MCU: variants seen among roughly 807,000 people sequenced by gnomAD.
The protein encoded by MCU is mitochondrial calcium uniporter, also known as calcium uniporter protein, mitochondrial.
In MCU, 12 loss-of-function variants were observed where a neutral mutation model predicts 45.2. That is an observed-to-expected ratio of 0.27 (90% CI 0.17 to 0.43). The LOEUF is 0.43. Ranked by LOEUF, MCU falls within the 20% of genes least tolerant of loss-of-function variation. The pLI is 1.00. For synonymous variants in MCU, 160 were observed against 165.1 expected, an observed-to-expected ratio of 0.97 and a Z score of 0.24; for missense variants, 324 against 436.7, an observed-to-expected ratio of 0.74 and a Z score of 2.30.
At chr10:72,857,243 C>A (rs1184938078) in intron 2 of MCU, among the ~76,000 whole-genome samples, 1 of 149,810 alleles carries the variant, frequency 6.7e-6, no homozygotes, top group Non-Finnish European at 1.5e-5. Flanking sequence ...GGGATTAAAC[C>A]CCCCCCTTTT....
chr10:72,846,464 C>A (rs1415190232), intron 2 of MCU, among the ~76,000 whole-genome samples: 1 of 152,168 alleles, frequency 6.6e-6, no homozygotes, highest in Non-Finnish European at 1.5e-5. Context: ...GCTTTATATG[C>A]TACTCGCGCA....
At chr10:72,884,858 A>G (rs901188211) in intron 7 of MCU, among the ~76,000 whole-genome samples, 7 of 152,180 alleles carry the variant, frequency 4.6e-5, no homozygotes, top group Admixed American at 1.3e-4. Flanking sequence ...ATGCTTGGAA[A>G]AGATTGATAT....
intron 1 of MCU, among the ~76,000 whole-genome samples, chr10:72,781,614 A>G (rs1474496283): frequency 6.6e-6 from 1 of 152,214 alleles, no homozygotes. Flanking sequence ...GCAAAACTTA[A>G]GCAGATGTTT....
chr10:72,737,202 A>G (rs572314750), intron 1 of MCU, among the ~76,000 whole-genome samples: 26 of 152,358 alleles, frequency 1.7e-4, no homozygotes, highest in African/African-American at 6.3e-4. Context: ...ATTCTTGGAT[A>G]TGGTAGTGTC....
In MCU at chr10:72,692,310, G is replaced by C; in HGVS notation, c.150+9G>C. ...AGCAGCACCACCGGACGGTGAGCGA[G>C]CGCGCCCGGAGGCTCCGGGGAGGGC... is the stretch of plus-strand genomic sequence containing the variant. On this transcript the variant is annotated intron_variant, in intron 1 of 7. Coordinates refer to ENST00000373053, the MANE Select transcript of MCU (RefSeq NM_138357.3). 1 of 1,211,918 alleles carries C rather than the reference G, an allele frequency of 8.3e-7. No individual in the cohort carries two copies. The highest frequency in any genetic ancestry group is 1.0e-6 in the Non-Finnish European group (1 of 974,424). The allele number at this position is 1,211,918 out of a possible 1,614,324, so 75.1% of individuals were successfully genotyped here. A position where few individuals can be genotyped will look rare whatever the true frequency, so the allele number is the denominator to read the frequency against.
chr10:72,717,364 A>G (rs570362747), intron 1 of MCU, among the ~76,000 whole-genome samples: 91 of 151,978 alleles, frequency 6.0e-4, no homozygotes, highest in African/African-American at 2.1e-3. Flanking sequence ...AGTTCAAGCA[A>G]TTCTCCTACC....
At chr10:72,884,158 A>G in intron 6 of MCU, 108 bp from the exon 7 acceptor site, 4 of 699,622 alleles carry the variant, frequency 5.7e-6, no homozygotes, top group South Asian at 3.4e-5. Flanking sequence ...AACACAGCAC[A>G]TGTCAGCACA....
At chr10:72,827,911 C>T (rs566198186) in intron 1 of MCU, among the ~76,000 whole-genome samples, 1 of 152,118 alleles carries the variant, frequency 6.6e-6, no homozygotes, top group Admixed American at 6.6e-5. Context: ...TTTAAAGCCA[C>T]AGACCTTATT....
intron 6 of MCU, among the ~76,000 whole-genome samples, chr10:72,874,173 T>C (rs1438843099): frequency 6.6e-6 from 1 of 152,220 alleles, no homozygotes; most frequent in Non-Finnish European, 1.5e-5. Flanking sequence ...GCATCAAATG[T>C]GTACATGGTT....
At chr10:72,702,418 T>C (rs1388600290) in intron 1 of MCU, among the ~76,000 whole-genome samples, 1 of 152,128 alleles carries the variant, frequency 6.6e-6, no homozygotes, top group Non-Finnish European at 1.5e-5. Context: ...AGATGGAAAA[T>C]GAAGACTTAG....
intron 2 of MCU, among the ~76,000 whole-genome samples, chr10:72,834,711 G>C (rs1844930589): frequency 6.6e-6 from 1 of 152,242 alleles, no homozygotes; most frequent in South Asian, 2.1e-4. Context: ...CGCCCAGGTG[G>C]AGTGCAGTGG....
intron 2 of MCU, among the ~76,000 whole-genome samples, chr10:72,857,349 C>T (rs185137517): frequency 1.3e-5 from 2 of 151,760 alleles, no homozygotes; most frequent in Admixed American, 1.3e-4. Context: ...AAGTGATTCT[C>T]CTGCCTCAGC....
intron 1 of MCU, among the ~76,000 whole-genome samples, chr10:72,741,785 T>C (rs1014199594): frequency 1.3e-5 from 2 of 152,064 alleles, no homozygotes; most frequent in African/African-American, 4.8e-5. Flanking sequence ...TCCCAGCACT[T>C]TGGGAGGCCG....
intron 1 of MCU, among the ~76,000 whole-genome samples, chr10:72,739,992 ATTCTC>A (rs1374471295): frequency 6.6e-6 from 1 of 151,612 alleles, no homozygotes; most frequent in Non-Finnish European, 1.5e-5. Context: ...TAAGATTTTT[ATTCTC>A]TTCTCTTATG....
Position 72,835,268 on chromosome 10 carries a change from G to A in MCU, c.220+840G>A, listed in dbSNP as rs551648970. 4.6e-5 allele frequency among the ~76,000 whole-genome samples: 7 copies of A among 152,312 alleles called. No homozygotes were observed. The South Asian group carries it at 1.2e-3, about 27-fold the overall frequency. On this transcript the variant is annotated intron_variant, in intron 2 of 7. Transcript: ENST00000373053. Reference sequence around the variant, plus strand: ...TGGCGACAGGATCCAAACCTTTGTTGTTTTTATGGTAGTGGAGGGAGATGT... The same window carrying A: ...TGGCGACAGGATCCAAACCTTTGTTATTTTTATGGTAGTGGAGGGAGATGT...
intron 1 of MCU, among the ~76,000 whole-genome samples, chr10:72,726,022 C>T (rs1843094552): frequency 6.6e-6 from 1 of 151,858 alleles, no homozygotes; most frequent in Non-Finnish European, 1.5e-5. Flanking sequence ...TATATATATC[C>T]TTCCATATTT....
At chr10:72,704,286 A>G (rs2132652386) in intron 1 of MCU, among the ~76,000 whole-genome samples, 1 of 152,344 alleles carries the variant, frequency 6.6e-6, no homozygotes, top group Middle Eastern at 3.4e-3. Flanking sequence ...TAGAACTGAT[A>G]GAACTTGGTG....
chr10:72,840,298 T>C (rs1845028941), intron 2 of MCU, among the ~76,000 whole-genome samples: 2 of 152,226 alleles, frequency 1.3e-5, no homozygotes, highest in South Asian at 4.1e-4. Flanking sequence ...ATATTGAACA[T>C]CTTTTCATGT....
In MCU at chr10:72,839,724, C is replaced by T. The variant is rs932437901; in HGVS notation, c.220+5296C>T. On this transcript the variant is annotated intron_variant, in intron 2 of 7. Coordinates refer to ENST00000373053, the MANE Select transcript of MCU (RefSeq NM_138357.3). ...ATCCCAGCACTTTGGGAGGCTGAGGCGGGCAGATCATGAGGTCAGGAGATC... is the reference window on the plus strand; with the variant it reads ...ATCCCAGCACTTTGGGAGGCTGAGGTGGGCAGATCATGAGGTCAGGAGATC... Among the ~76,000 whole-genome samples, 4 of 150,558 alleles carry T rather than the reference C, an allele frequency of 2.7e-5. No individual in the cohort carries two copies. The Admixed American group carries it at 2.7e-4, about 10-fold the overall frequency.
Sources: gnomAD v4.1 joint callset for allele counts (sites outside exome capture counted in the v4.1 genomes callset) on GRCh38, gnomAD v4.1.1 for gene constraint, MANE v1.5 for transcripts, NCBI Gene and HGNC (gene_info 2026-07-23, HGNC 2026-07-21) for gene names.